SNX16: variants seen among roughly 807,000 people sequenced by gnomAD.
SNX16 encodes the protein sorting nexin-16.
SNX16 carries 35 observed loss-of-function variants against 36.7 expected under a neutral mutation model. The ratio of observed to expected loss-of-function variants is 0.95; its 90% confidence interval spans 0.73 to 1.27. The LOEUF (loss-of-function observed/expected upper bound fraction) is 1.27. Ranked by LOEUF, SNX16 falls within the 50% of genes most tolerant of loss-of-function variation. The probability of loss-of-function intolerance (pLI) is 0.00; values close to 1 mark genes in which losing one functional copy is unlikely to be tolerated. For synonymous variants in SNX16, 134 were observed against 132.0 expected (o/e 1.02, Z -0.10); for missense variants, 367 against 393.6 (o/e 0.93, Z 0.57).
chr8:81,802,584 G>T, intron 6 of SNX16, 85 bp from the exon 7 acceptor site: 1 of 1,149,246 alleles, frequency 8.7e-7, no homozygotes, highest in Non-Finnish European at 1.2e-6. Flanking sequence ...AGCTATAGCA[G>T]TCTTTAGCTG....
chr8:81,834,584 T>A (rs1811412469), intron 2 of SNX16, among the ~76,000 whole-genome samples: 1 of 151,510 alleles, frequency 6.6e-6, no homozygotes, highest in Admixed American at 6.6e-5. Flanking sequence ...AGGCATTGGG[T>A]AAATACAAGC....
chr8:81,838,421 AGACAG>A (rs1811590408), intron 2 of SNX16, among the ~76,000 whole-genome samples: 1 of 152,130 alleles, frequency 6.6e-6, no homozygotes, highest in Non-Finnish European at 1.5e-5. Context: ...TTATTAATTA[AGACAG>A]TGTGAAATTA....
chr8:81,807,364 C>CA (rs1810001930), intron 5 of SNX16, among the ~76,000 whole-genome samples: 1 of 151,194 alleles, frequency 6.6e-6, no homozygotes, highest in African/African-American at 2.4e-5. Flanking sequence ...ACTAAAAATA[C>CA]AAAAATTAGC....
intron 2 of SNX16, among the ~76,000 whole-genome samples, chr8:81,832,308 C>G (rs2043964065): frequency 6.6e-6 from 1 of 152,104 alleles, no homozygotes; most frequent in Non-Finnish European, 1.5e-5. Context: ...TGAATTAATG[C>G]AGGAACAGAA....
rs147505976 is a variant in SNX16, at chr8:81,800,607, A to C, written c.*890T>G. ...ACATCTTCACACAAATAGAAATAAAAATGCAATGTCAGGAGTCAAGCCAGT... is the reference window on the plus strand; with the variant it reads ...ACATCTTCACACAAATAGAAATAAACATGCAATGTCAGGAGTCAAGCCAGT... On this transcript the variant is annotated 3_prime_UTR_variant, in exon 8 of 8. Coordinates refer to ENST00000345957, the MANE Select transcript of SNX16 (RefSeq NM_152836.3). 24 of 152,382 alleles carry C rather than the reference A, an allele frequency of 1.6e-4. No homozygotes were observed. Among genetic ancestry groups the C allele is most frequent in the Middle Eastern group, 6.8e-3 (2 of 294 alleles). 9.4% of individuals were successfully genotyped at this position (152,382 alleles called of 1,614,324 possible).
intron 2 of SNX16, among the ~76,000 whole-genome samples, chr8:81,830,245 C>G (rs952563953): frequency 7.2e-5 from 11 of 152,196 alleles, no homozygotes; most frequent in African/African-American, 2.4e-4. Flanking sequence ...GAGGAAAGAT[C>G]TCTACAGGGA....
At chr8:81,817,519 C>T (rs751559343) in intron 4 of SNX16, among the ~76,000 whole-genome samples, 5 of 152,108 alleles carry the variant, frequency 3.3e-5, no homozygotes, top group Non-Finnish European at 7.4e-5. Flanking sequence ...AAGTTTTTAT[C>T]CATATAGTTC....
At chr8:81,833,587 C>T (rs549008521) in intron 2 of SNX16, among the ~76,000 whole-genome samples, 2 of 152,238 alleles carry the variant, frequency 1.3e-5, no homozygotes, top group East Asian at 3.9e-4. Context: ...GTATGAATGA[C>T]TGATACAGGA....
At chr8:81,810,775 T>C (rs1352484088) in intron 5 of SNX16, among the ~76,000 whole-genome samples, 1 of 152,124 alleles carries the variant, frequency 6.6e-6, no homozygotes. Flanking sequence ...TGGTGTCTAA[T>C]ATGTAGAGGC....
intron 7 of SNX16, among the ~76,000 whole-genome samples, chr8:81,801,974 C>A (rs1361153237): frequency 6.6e-6 from 1 of 151,528 alleles, no homozygotes; most frequent in Non-Finnish European, 1.5e-5. Context: ...AAATTCATTA[C>A]CTTTTCATCA....
chr8:81,814,003 T>G (rs1810374106), intron 5 of SNX16, among the ~76,000 whole-genome samples: 1 of 152,044 alleles, frequency 6.6e-6, no homozygotes, highest in South Asian at 2.1e-4. Flanking sequence ...TCAAAAACTT[T>G]ATTGGTTTCT....
At chr8:81,830,980 T>A (rs11998593) in intron 2 of SNX16, among the ~76,000 whole-genome samples, 37,783 of 152,080 alleles carry the variant, frequency 0.25, 5,250 homozygotes, top group East Asian at 0.37. Context: ...CAGCCATCTG[T>A]TCTCTGACAA....
intron 2 of SNX16, among the ~76,000 whole-genome samples, chr8:81,835,178 T>C (rs757419720): frequency 4.6e-5 from 7 of 152,212 alleles, no homozygotes; most frequent in Non-Finnish European, 7.3e-5. Context: ...GCCTGAGCTC[T>C]ATGTTGGCCC....
chr8:81,840,278 C>A, intron 1 of SNX16, 196 bp from the exon 2 acceptor site: 1 of 259,600 alleles, frequency 3.9e-6, no homozygotes, highest in Non-Finnish European at 7.3e-6. Flanking sequence ...ACTCTTTTTC[C>A]TTGACTCCAT....
At position 81,801,603 on chromosome 8, in the gene SNX16, A is replaced by G. The variant is rs1189561392; in HGVS notation, c.939-10T>C. 9 of 1,517,106 alleles carry G rather than the reference A, an allele frequency of 5.9e-6. 1 individual carries two copies. The highest frequency in any genetic ancestry group is 1.7e-4 in the Middle Eastern group (1 of 5,726). 94.0% of individuals were successfully genotyped at this position (1,517,106 alleles called of 1,614,324 possible). ...TGGTTTATTATCAGCTCTGCAAAAA[A>G]AAAAAAAAAAGGAACATATCAATGA... On this transcript the variant is annotated splice_polypyrimidine_tract_variant and intron_variant, in intron 7 of 7. Transcript: ENST00000345957.
chr8:81,802,251 TTC>T (rs931278280), intron 7 of SNX16, 127 bp downstream of exon 7: 17 of 565,492 alleles, frequency 3.0e-5, no homozygotes, highest in African/African-American at 7.8e-5. Flanking sequence ...TTCCAATTCA[TTC>T]TCTGTTTGCT....
chr8:81,813,743 G>A (rs576503440), intron 5 of SNX16, among the ~76,000 whole-genome samples: 4 of 151,810 alleles, frequency 2.6e-5, no homozygotes, highest in African/African-American at 7.2e-5. Flanking sequence ...AACAGCCCAG[G>A]TTTTTTAAAA....
chr8:81,825,536 A>G (rs1463258), intron 3 of SNX16, among the ~76,000 whole-genome samples: 58,483 of 152,092 alleles, frequency 0.38, 11,832 homozygotes, highest in African/African-American at 0.42. Context: ...ATTAAGATTG[A>G]GAACCATTTT....
intron 4 of SNX16, among the ~76,000 whole-genome samples, chr8:81,820,403 G>C (rs1374121641): frequency 1.3e-5 from 2 of 152,060 alleles, no homozygotes; most frequent in Non-Finnish European, 2.9e-5. Context: ...TACAACAGTA[G>C]TACTGATGGC....
Sources: allele counts gnomAD v4.1 joint callset (sites outside exome capture counted in the v4.1 genomes callset), GRCh38; gene constraint gnomAD v4.1.1; transcripts MANE v1.5; gene names NCBI Gene and HGNC (gene_info 2026-07-23, HGNC 2026-07-21).